IPCEF1: variants seen among roughly 807,000 people sequenced by gnomAD.
IPCEF1 encodes interactor protein for cytohesin exchange factors 1.
In IPCEF1, 31 loss-of-function variants were observed where a neutral mutation model predicts 50.9. The ratio of observed to expected loss-of-function variants is 0.61; its 90% confidence interval spans 0.46 to 0.82. IPCEF1 has a LOEUF of 0.82. Among genes scored for constraint, IPCEF1 ranks in the 40% least tolerant of loss-of-function variants. The probability of loss-of-function intolerance (pLI) is 0.00; values close to 1 mark genes in which losing one functional copy is unlikely to be tolerated. For missense variants in IPCEF1, 458 were observed against 514.0 expected (o/e 0.89, Z 1.05); for synonymous variants, 181 against 192.0 (o/e 0.94, Z 0.47).
rs1491174035 is a variant in IPCEF1 at position 154,244,300 on chromosome 6, G to GT, written c.246+2290_246+2291insA. Among the ~76,000 whole-genome samples the GT allele has an allele frequency of 4.7e-3, 327 of 68,930 alleles. 5 individuals are homozygous for GT. Among genetic ancestry groups the GT allele is most frequent in the African/African-American group, 0.012 (172 of 13,764 alleles). The allele number at this position is 68,930 out of a possible 152,430, so 45.2% of individuals were successfully genotyped here. A position where few individuals can be genotyped will look rare whatever the true frequency, so the allele number is the denominator to read the frequency against. On this transcript the variant is annotated intron_variant, in intron 5 of 11. Coordinates refer to ENST00000367220, the MANE Select transcript of IPCEF1 (RefSeq NM_001130700.2). Reference sequence around the variant, plus strand: ...ATTAAGATTCGGTGTGTGTGTGGGTGGGTGTGTGTGTGTGTGTGTGTGTGT... The same window carrying GT: ...ATTAAGATTCGGTGTGTGTGTGGGTGTGGTGTGTGTGTGTGTGTGTGTGTGT...
At chr6:154,167,568 ATC>A (rs1483702777) in intron 11 of IPCEF1, among the ~76,000 whole-genome samples, 2 of 152,204 alleles carry the variant, frequency 1.3e-5, no homozygotes, top group Non-Finnish European at 2.9e-5. Flanking sequence ...CCAGTTGATG[ATC>A]TCTGTCTCTC....
intron 10 of IPCEF1, among the ~76,000 whole-genome samples, chr6:154,170,181 T>A (rs953275198): frequency 6.6e-6 from 1 of 152,230 alleles, no homozygotes; most frequent in Non-Finnish European, 1.5e-5. Context: ...TATTTTTCCT[T>A]TATTCCTTGG....
At chr6:154,274,641 G>A (rs956074582) in intron 2 of IPCEF1, among the ~76,000 whole-genome samples, 2 of 152,126 alleles carry the variant, frequency 1.3e-5, no homozygotes, top group Admixed American at 6.5e-5. Flanking sequence ...GAACTACAGG[G>A]GTCTCTTGTC....
chr6:154,219,985 A>AGTGTGTGTGTGTGTGTGT (rs57450665), intron 7 of IPCEF1, among the ~76,000 whole-genome samples: 43 of 140,138 alleles, frequency 3.1e-4, no homozygotes, highest in Non-Finnish European at 4.1e-4. Context: ...ACCTGTAAGG[A>AGTGTGTGTGTGTGTGTGT]GTGTGTGTGT....
rs111344892 is a variant in IPCEF1 at position 154,194,556 on chromosome 6, G to A, written c.910+5112C>T. Among the ~76,000 whole-genome samples, 394 of 151,886 alleles carry A rather than the reference G, an allele frequency of 2.6e-3. 2 individuals are homozygous for A. The highest frequency in any genetic ancestry group is 8.0e-3 in the African/African-American group (330 of 41,384). On this transcript the variant is annotated intron_variant, in intron 10 of 11. Transcript: ENST00000367220. Reference sequence around the variant, plus strand: ...CTCCTACTTCTTTCAAACTGTCATCGCCACTCTAAGCTTACGTACCTCCAA... The same window carrying A: ...CTCCTACTTCTTTCAAACTGTCATCACCACTCTAAGCTTACGTACCTCCAA...
intron 5 of IPCEF1, among the ~76,000 whole-genome samples, chr6:154,229,646 G>A (rs1001097876): frequency 6.6e-6 from 1 of 151,942 alleles, no homozygotes; most frequent in Non-Finnish European, 1.5e-5. Flanking sequence ...GTGAGCCACC[G>A]TGCCCAGCAG....
intron 10 of IPCEF1, among the ~76,000 whole-genome samples, chr6:154,187,052 T>G (rs1203651806): frequency 1.3e-5 from 2 of 152,162 alleles, no homozygotes; most frequent in Non-Finnish European, 2.9e-5. Flanking sequence ...CACTCCACAC[T>G]CTGTCTTCCT....
intron 10 of IPCEF1, among the ~76,000 whole-genome samples, chr6:154,195,331 T>A (rs532257363): frequency 6.6e-6 from 1 of 152,064 alleles, no homozygotes; most frequent in South Asian, 2.1e-4. Flanking sequence ...GTGTTTTTAA[T>A]AGAGATGGGG....
rs569077583 is a variant in IPCEF1 at position 154,242,615 on chromosome 6, G to A, written c.246+3976C>T. On this transcript the variant is annotated intron_variant, in intron 5 of 11. Transcript: ENST00000367220. ...AGTAAGAAAAGTATAGGCCAAGTGC[G>A]GTGGCTCACATCTGTAATCCCAGCA... Among the ~76,000 whole-genome samples the A allele has an allele frequency of 6.6e-5, 10 of 152,242 alleles. No individual in the cohort carries two copies. The South Asian group carries it at 1.4e-3, about 22-fold the overall frequency.
intron 6 of IPCEF1, among the ~76,000 whole-genome samples, chr6:154,222,327 A>G (rs946650140): frequency 2.0e-5 from 3 of 152,224 alleles, no homozygotes; most frequent in Non-Finnish European, 2.9e-5. Context: ...GTGCAACCAC[A>G]CCACAGAGGC....
At chr6:154,203,560 A>G (rs1296477571) in intron 9 of IPCEF1, among the ~76,000 whole-genome samples, 2 of 152,128 alleles carry the variant, frequency 1.3e-5, no homozygotes, top group Non-Finnish European at 2.9e-5. Context: ...GGATACAGGG[A>G]GCCGACTTTT....
At chr6:154,315,744 C>A (rs1562285738) in intron 1 of IPCEF1, among the ~76,000 whole-genome samples, 1 of 152,032 alleles carries the variant, frequency 6.6e-6, no homozygotes, top group Admixed American at 6.6e-5. Context: ...AAAACAGAGT[C>A]AAATTTGAAG....
At chr6:154,213,254 G>A (rs1339511390) in intron 8 of IPCEF1, 1 of 192,374 alleles carries the variant, frequency 5.2e-6, no homozygotes, top group Non-Finnish European at 1.1e-5. Context: ...GTGAAGGGGA[G>A]TCTCTGGCTG....
At chr6:154,285,674 A>T (rs1026911499) in intron 2 of IPCEF1, among the ~76,000 whole-genome samples, 10 of 152,306 alleles carry the variant, frequency 6.6e-5, no homozygotes, top group African/African-American at 2.4e-4. Flanking sequence ...TTGCACACAT[A>T]TGCACAAAAA....
intron 1 of IPCEF1, among the ~76,000 whole-genome samples, chr6:154,316,323 A>C (rs180990461): frequency 5.3e-5 from 8 of 152,206 alleles, no homozygotes; most frequent in Non-Finnish European, 1.2e-4. Flanking sequence ...TGGGAAACCA[A>C]AAAAATTAAG....
At chr6:154,334,108 A>T (rs1234447801) in intron 1 of IPCEF1, among the ~76,000 whole-genome samples, 1 of 152,190 alleles carries the variant, frequency 6.6e-6, no homozygotes, top group East Asian at 1.9e-4. Flanking sequence ...GCCCACAGTT[A>T]TGGGGTAGAT....
At chr6:154,301,176 A>T (rs1782785525) in intron 1 of IPCEF1, among the ~76,000 whole-genome samples, 1 of 151,640 alleles carries the variant, frequency 6.6e-6, no homozygotes, top group South Asian at 2.1e-4. Context: ...TCCAGGTTAA[A>T]ATCATTGTTG....
At chr6:154,276,533 A>G (rs1208111094) in intron 2 of IPCEF1, among the ~76,000 whole-genome samples, 2 of 152,230 alleles carry the variant, frequency 1.3e-5, no homozygotes, top group African/African-American at 4.8e-5. Flanking sequence ...CTTCACAGCA[A>G]GGTTGTAAAG....
At chr6:154,246,466 ATTTG>A in intron 5 of IPCEF1, 121 bp downstream of exon 5, 1 of 1,140,014 alleles carries the variant, frequency 8.8e-7, no homozygotes. Flanking sequence ...TCTATAACTT[ATTTG>A]TTTATTTACT....
Sources: gnomAD v4.1 joint callset for allele counts (sites outside exome capture counted in the v4.1 genomes callset) on GRCh38, gnomAD v4.1.1 for gene constraint, MANE v1.5 for transcripts, NCBI Gene and HGNC (gene_info 2026-07-23, HGNC 2026-07-21) for gene names.